The following CCDC38 variants were observed in gnomAD, a reference collection of about 807,000 sequenced individuals.
The protein encoded by CCDC38 is coiled-coil domain-containing protein 38.
In CCDC38, 69 loss-of-function variants were observed where a neutral mutation model predicts 72.8. That is an observed-to-expected ratio of 0.95 (90% CI 0.78 to 1.16). The LOEUF is 1.16. Ranked by LOEUF, CCDC38 falls within the 50% of genes most tolerant of loss-of-function variation. CCDC38 has a pLI of 0.00. For missense variants in CCDC38, 626 were observed against 638.9 expected (o/e 0.98, Z 0.22); for synonymous variants, 201 against 213.2 (o/e 0.94, Z 0.50).
At chr12:95,872,116 G>A (rs2079586754) in intron 14 of CCDC38, 139 bp downstream of exon 14, 3 of 709,612 alleles carry the variant, frequency 4.2e-6, no homozygotes, top group East Asian at 5.0e-5. Flanking sequence ...ATAGCTATAT[G>A]AGGAGAGCAG....
chr12:95,932,457 G>A (rs1447368787), intron 2 of CCDC38, among the ~76,000 whole-genome samples: 1 of 151,410 alleles, frequency 6.6e-6, no homozygotes, highest in East Asian at 1.9e-4. Context: ...ATCATATTTG[G>A]AGTACATACC....
Position 95,926,203 on chromosome 12 carries a change from T to A in CCDC38, c.38-7227A>T, listed in dbSNP as rs1489224412. Reference sequence around the variant, plus strand: ...TTTTTGGTTGGTAAGCTATTGATTATTGCCACAATTTCAGCTCCTGTTATT... The same window carrying A: ...TTTTTGGTTGGTAAGCTATTGATTAATGCCACAATTTCAGCTCCTGTTATT... On this transcript the variant is annotated intron_variant, in intron 2 of 15. Transcript: ENST00000344280. 3.4e-3 allele frequency among the ~76,000 whole-genome samples: 507 copies of A among 148,994 alleles called. 1 individual carries two copies. Among genetic ancestry groups the A allele is most frequent in the Non-Finnish European group, 5.8e-3 (387 of 66,678 alleles).
At chr12:95,924,374 A>T (rs1329035924) in intron 2 of CCDC38, among the ~76,000 whole-genome samples, 1 of 145,792 alleles carries the variant, frequency 6.9e-6, no homozygotes, top group African/African-American at 2.5e-5. Flanking sequence ...TCCTTCACCC[A>T]CTTTTTGATG....
At chr12:95,870,157 A>G (rs1001482034) in intron 14 of CCDC38, among the ~76,000 whole-genome samples, 2 of 152,330 alleles carry the variant, frequency 1.3e-5, no homozygotes, top group South Asian at 4.1e-4. Context: ...TCCTCTTTTT[A>G]AAACTTTTAA....
rs566424889 is a variant in CCDC38 at position 95,940,731 on chromosome 12, G to A, written c.-15+1700C>T. On this transcript the variant is annotated intron_variant, in intron 1 of 15. Transcript: ENST00000344280. ...GGGTCCTTGGCCTGCTTAGATGCAC[G>A]CTGCCGCTTCTGACTAGGTCAGAGC... Among the ~76,000 whole-genome samples the A allele has an allele frequency of 5.3e-5, 8 of 152,278 alleles. No individual in the cohort carries two copies. The South Asian group carries it at 1.7e-3, about 32-fold the overall frequency.
At chr12:95,929,501 T>A (rs1325767189) in intron 2 of CCDC38, among the ~76,000 whole-genome samples, 3 of 152,200 alleles carry the variant, frequency 2.0e-5, no homozygotes, top group Admixed American at 2.0e-4. Context: ...ACCTGTCTTC[T>A]GCGTTGCTCA....
intron 10 of CCDC38, among the ~76,000 whole-genome samples, chr12:95,884,494 A>G (rs1168794704): frequency 6.6e-6 from 1 of 152,262 alleles, no homozygotes; most frequent in Non-Finnish European, 1.5e-5. Context: ...AAAGAAATCA[A>G]TTATCCCCAA....
intron 12 of CCDC38, 80 bp from the exon 13 acceptor site, chr12:95,878,426 T>C: frequency 2.9e-6 from 4 of 1,366,624 alleles, no homozygotes; most frequent in Non-Finnish European, 4.0e-6. Flanking sequence ...TTTAACACTC[T>C]AGATCATGTG....
At chr12:95,925,185 T>C (rs2080255278) in intron 2 of CCDC38, among the ~76,000 whole-genome samples, 1 of 152,188 alleles carries the variant, frequency 6.6e-6, no homozygotes, top group Non-Finnish European at 1.5e-5. Context: ...TGGAATGTTC[T>C]TCCATTTGTT....
At chr12:95,923,657 G>A (rs2080234167) in intron 2 of CCDC38, among the ~76,000 whole-genome samples, 1 of 151,956 alleles carries the variant, frequency 6.6e-6, no homozygotes, top group South Asian at 2.1e-4. Context: ...TCGTCATCTA[G>A]CATTAGGTAT....
chr12:95,927,056 G>T (rs921730552), intron 2 of CCDC38, among the ~76,000 whole-genome samples: 128 of 152,170 alleles, frequency 8.4e-4, no homozygotes, highest in African/African-American at 2.3e-3. Flanking sequence ...TGTCTATTAG[G>T]TCTGCTTGGT....
At chr12:95,912,921 C>T (rs775080206) in intron 4 of CCDC38, among the ~76,000 whole-genome samples, 101 of 151,960 alleles carry the variant, frequency 6.6e-4, no homozygotes, top group Admixed American at 4.9e-3. Flanking sequence ...ATTAGCCAGG[C>T]GTGGTCGTGT....
chr12:95,879,853 G>A lies in CCDC38; in HGVS notation c.991-58C>T. 1 of 1,321,166 alleles carries A rather than the reference G, an allele frequency of 7.6e-7. No homozygotes were observed. The highest frequency in any genetic ancestry group is 1.4e-5 in the South Asian group (1 of 71,748). The allele number at this position is 1,321,166 out of a possible 1,614,324, so 81.8% of individuals were successfully genotyped here. A position where few individuals can be genotyped will look rare whatever the true frequency, so the allele number is the denominator to read the frequency against. On this transcript the variant is annotated intron_variant, in intron 11 of 15. Coordinates refer to ENST00000344280, the MANE Select transcript of CCDC38 (RefSeq NM_182496.3). The surrounding 1 kb of genome is among the most constrained non-coding windows in gnomAD (Gnocchi z 5.5). The stretch of plus-strand genomic sequence containing the variant: ...TTAAAAATATGCTACCTATGCACAT[G>A]TGACTTATCTAGAAAATACAGTGGG...
intron 9 of CCDC38, among the ~76,000 whole-genome samples, chr12:95,889,717 C>A (rs534239916): frequency 4.6e-5 from 7 of 152,090 alleles, no homozygotes; most frequent in African/African-American, 1.7e-4. Flanking sequence ...GGGCTGCAAA[C>A]TCAGATGGAT....
At chr12:95,900,165 G>C (rs746926534) in intron 5 of CCDC38, among the ~76,000 whole-genome samples, 4 of 152,186 alleles carry the variant, frequency 2.6e-5, no homozygotes, top group Non-Finnish European at 5.9e-5. Flanking sequence ...GGAGACAAGA[G>C]AGTGATTGGT....
intron 1 of CCDC38, among the ~76,000 whole-genome samples, chr12:95,939,427 G>A (rs1436338783): frequency 6.6e-6 from 1 of 152,190 alleles, no homozygotes; most frequent in Non-Finnish European, 1.5e-5. Context: ...GTCACACAGG[G>A]AGATCTACTA....
intron 3 of CCDC38, 84 bp from the exon 4 acceptor site, chr12:95,917,378 A>T: frequency 1.8e-6 from 2 of 1,141,464 alleles, no homozygotes; most frequent in Admixed American, 3.0e-5. Flanking sequence ...TAAAAATAAC[A>T]TTTGCAACAA....
intron 4 of CCDC38, among the ~76,000 whole-genome samples, chr12:95,908,367 CAGG>C (rs1340758397): frequency 6.8e-6 from 1 of 146,872 alleles, no homozygotes; most frequent in African/African-American, 2.5e-5. Flanking sequence ...CAGGCTGAGG[CAGG>C]AGAATCAGGC....
At chr12:95,869,860 G>C in intron 14 of CCDC38, 1 of 288,700 alleles carries the variant, frequency 3.5e-6, no homozygotes, top group Non-Finnish European at 6.3e-6. Context: ...GTCTCAGTCT[G>C]TTGCCTAGGC....
Sources: gnomAD v4.1 joint callset for allele counts (sites outside exome capture counted in the v4.1 genomes callset) on GRCh38, gnomAD v4.1.1 for gene constraint, Gnocchi (gnomAD v3.1) non-coding constraint, MANE v1.5 for transcripts, NCBI Gene and HGNC (gene_info 2026-07-23, HGNC 2026-07-21) for gene names.